TMEFF1: variants seen among roughly 807,000 people sequenced by gnomAD.
TMEFF1 encodes the protein transmembrane protein with EGF like and two follistatin like domains 1.
TMEFF1 carries 20 observed loss-of-function variants against 47.5 expected under a neutral mutation model. That is an observed-to-expected ratio of 0.42 (90% confidence interval 0.30 to 0.61). The LOEUF (loss-of-function observed/expected upper bound fraction) is 0.61, where lower values mean the gene tolerates loss of function less well. Ranked by LOEUF, TMEFF1 falls within the 20% of genes least tolerant of loss-of-function variation. The pLI, the probability that TMEFF1 is intolerant of heterozygous loss-of-function variation, is 0.19. For missense variants in TMEFF1, 411 were observed against 471.1 expected, an observed-to-expected ratio of 0.87 and a Z score of 1.18; for synonymous variants, 162 against 166.3, an observed-to-expected ratio of 0.97 and a Z score of 0.20.
At chr9:100,534,866 C>T (rs1838472717) in intron 5 of TMEFF1, among the ~76,000 whole-genome samples, 1 of 152,100 alleles carries the variant, frequency 6.6e-6, no homozygotes. Flanking sequence ...CTGTCATTTT[C>T]TTCCGTTAAC....
At chr9:100,509,908 T>G (rs1457132315) in intron 3 of TMEFF1, among the ~76,000 whole-genome samples, 1 of 152,192 alleles carries the variant, frequency 6.6e-6, no homozygotes, top group Non-Finnish European at 1.5e-5. Context: ...TTTTTTTCCT[T>G]CCAGAATTGG....
intron 5 of TMEFF1, among the ~76,000 whole-genome samples, chr9:100,536,381 A>T (rs937570368): frequency 2.0e-5 from 3 of 152,174 alleles, no homozygotes; most frequent in Non-Finnish European, 4.4e-5. Flanking sequence ...CTTTATGCTG[A>T]GCCTTGAGGA....
chr9:100,488,896 A>G (rs566796220), intron 1 of TMEFF1, among the ~76,000 whole-genome samples: 12 of 152,156 alleles, frequency 7.9e-5, no homozygotes, highest in Non-Finnish European at 1.6e-4. Flanking sequence ...TTTAAAAATT[A>G]TTTCTATTTT....
chr9:100,568,019 G>A (rs917637203), intron 8 of TMEFF1, among the ~76,000 whole-genome samples: 1 of 152,130 alleles, frequency 6.6e-6, no homozygotes, highest in Non-Finnish European at 1.5e-5. Context: ...GAACAGTGCA[G>A]GAAAGACCTG....
Position 100,473,544 on chromosome 9 carries a change from C to T in TMEFF1, c.-1C>T, listed in dbSNP as rs1402537862. Reference sequence around the variant, plus strand: ...CTTCCCGCCGTCCAGGGGCACCAGTCATGGGCGCCGCAGCCGCTGAGGCGC... The same window carrying T: ...CTTCCCGCCGTCCAGGGGCACCAGTTATGGGCGCCGCAGCCGCTGAGGCGC... On this transcript the variant is annotated 5_prime_UTR_variant, in exon 1 of 10. Coordinates refer to ENST00000374879, the MANE Select transcript of TMEFF1 (RefSeq NM_003692.5). The surrounding 1 kb of genome is among the most constrained non-coding windows in gnomAD (Gnocchi z 5.4). The T allele has an allele frequency of 4.0e-6, 6 of 1,514,280 alleles. No individual in the cohort carries two copies. The highest frequency in any genetic ancestry group is 1.4e-5 in the African/African-American group (1 of 69,772). 93.8% of individuals were successfully genotyped at this position (1,514,280 alleles called of 1,614,324 possible).
intron 8 of TMEFF1, among the ~76,000 whole-genome samples, chr9:100,570,271 T>A (rs1428529455): frequency 1.3e-5 from 2 of 152,214 alleles, no homozygotes; most frequent in Non-Finnish European, 2.9e-5. Flanking sequence ...AATATACTGA[T>A]TTTATTTCCT....
Position 100,509,133 on chromosome 9 carries a change from T to C in TMEFF1, c.435T>C (p.Ser145=). 6.5e-7 allele frequency: 1 copy of C among 1,533,516 alleles called. No individual in the cohort carries two copies. Among genetic ancestry groups the C allele is most frequent in the Middle Eastern group, 1.7e-4 (1 of 5,788 alleles). 95.0% of individuals were successfully genotyped at this position (1,533,516 alleles called of 1,614,324 possible). ...ITVIARGPCY[S]DNGSGSGEGE... is the part of the protein sequence containing the mutation. ...TAATAGCAAGAGGACCATGCTACTC[T>C]GGTATGTATGATATTCTTCTGAATA... Residue 145 remains serine (S), a splice_region_variant and synonymous_variant, in exon 3 of 10, where the codon TCT becomes TCC. Coordinates refer to ENST00000374879, the MANE Select transcript of TMEFF1 (RefSeq NM_003692.5).
intron 5 of TMEFF1, among the ~76,000 whole-genome samples, chr9:100,533,616 G>T (rs1838444063): frequency 6.6e-6 from 1 of 151,650 alleles, no homozygotes; most frequent in African/African-American, 2.4e-5. Context: ...TTAAATTTCT[G>T]TTGTTATATA....
At chr9:100,499,373 A>G (rs974615118) in intron 2 of TMEFF1, among the ~76,000 whole-genome samples, 1 of 152,192 alleles carries the variant, frequency 6.6e-6, no homozygotes, top group Non-Finnish European at 1.5e-5. Context: ...TTTGCTTTTC[A>G]GATGCTCTTT....
rs934199312 is a variant in TMEFF1, at chr9:100,550,171, A to T, written c.775+11A>T. The T allele has an allele frequency of 6.2e-7, 1 of 1,605,994 alleles. No individual in the cohort carries two copies. On this transcript the variant is annotated intron_variant, in intron 7 of 9. Transcript: ENST00000374879. ...GACCAGATGTGAAAGGTACTGAATCATGCATCTCCAAATTTTGGCCAGCTA... is the reference window on the plus strand; with the variant it reads ...GACCAGATGTGAAAGGTACTGAATCTTGCATCTCCAAATTTTGGCCAGCTA...
At chr9:100,524,546 G>T (rs572898527) in intron 5 of TMEFF1, among the ~76,000 whole-genome samples, 1 of 152,170 alleles carries the variant, frequency 6.6e-6, no homozygotes, top group African/African-American at 2.4e-5. Flanking sequence ...GCTCACTATA[G>T]TTGAGGCATC....
At chr9:100,518,425 A>G (rs922402744) in intron 5 of TMEFF1, 1 of 985,284 alleles carries the variant, frequency 1.0e-6, no homozygotes, top group Admixed American at 6.1e-5. Context: ...TGCAGATACC[A>G]GCTCTAAGCA....
rs36046142 is a variant in TMEFF1 at position 100,543,704 on chromosome 9, AACACACAC to A, written c.561-4004_561-3997del. ...AACACTAACATAGCTGATGAAGTAA[AACACACAC>A]ACACACACACACACACACACACACA... On this transcript the variant is annotated intron_variant, in intron 5 of 9. Coordinates refer to ENST00000374879, the MANE Select transcript of TMEFF1 (RefSeq NM_003692.5). Among the ~76,000 whole-genome samples, 92 of 138,936 alleles carry A rather than the reference AACACACAC, an allele frequency of 6.6e-4. 1 individual carries two copies. The highest frequency in any genetic ancestry group is 2.0e-3 in the South Asian group (8 of 4,064). The allele number at this position is 138,936 out of a possible 152,430, so 91.1% of individuals were successfully genotyped here. A position where few individuals can be genotyped will look rare whatever the true frequency, so the allele number is the denominator to read the frequency against.
chr9:100,572,456 A>G, intron 8 of TMEFF1, 62 bp from the exon 9 acceptor site: 1 of 1,434,898 alleles, frequency 7.0e-7, no homozygotes, highest in African/African-American at 1.4e-5. Flanking sequence ...TTTTTAATGT[A>G]AAAGCTTGGG....
intron 1 of TMEFF1, among the ~76,000 whole-genome samples, chr9:100,485,748 A>G (rs1837435985): frequency 6.6e-6 from 1 of 152,096 alleles, no homozygotes; most frequent in African/African-American, 2.4e-5. Flanking sequence ...TAGCTTCTTG[A>G]GCATTTAGGG....
chr9:100,481,283 T>G (rs139821394), intron 1 of TMEFF1, among the ~76,000 whole-genome samples: 34 of 152,356 alleles, frequency 2.2e-4, no homozygotes, highest in African/African-American at 6.3e-4. Flanking sequence ...TTTTATCTGT[T>G]TCGTTTACCA....
intron 3 of TMEFF1, among the ~76,000 whole-genome samples, chr9:100,511,028 C>T (rs938668479): frequency 2.6e-5 from 4 of 152,088 alleles, no homozygotes; most frequent in South Asian, 2.1e-4. Flanking sequence ...GGTTACCTTC[C>T]GGAAGCAGAG....
At chr9:100,507,198 T>C (rs1837879932) in intron 2 of TMEFF1, among the ~76,000 whole-genome samples, 1 of 152,204 alleles carries the variant, frequency 6.6e-6, no homozygotes, top group African/African-American at 2.4e-5. Flanking sequence ...TTTCATTCTT[T>C]TTTATGGTTG....
In TMEFF1 at chr9:100,476,985, C is replaced by T. The variant is rs147242088; in HGVS notation, c.196+3245C>T. The stretch of plus-strand genomic sequence containing the variant: ...TGCTGGGATTACAGGCGTGAGCCAC[C>T]GCGCCCGGCCTATTTCAGTTTTAAA... On this transcript the variant is annotated intron_variant, in intron 1 of 9. Transcript: ENST00000374879. Among the ~76,000 whole-genome samples the T allele has an allele frequency of 2.5e-3, 373 of 152,098 alleles. 4 individuals carry two copies. Among genetic ancestry groups the T allele is most frequent in the African/African-American group, 8.2e-3 (339 of 41,494 alleles).
Sources: allele counts gnomAD v4.1 joint callset (sites outside exome capture counted in the v4.1 genomes callset), GRCh38; gene constraint gnomAD v4.1.1; non-coding constraint Gnocchi (gnomAD v3.1); transcripts MANE v1.5; gene names NCBI Gene and HGNC (gene_info 2026-07-23, HGNC 2026-07-21).